The following CNGB1 variants were observed in gnomAD, a reference collection of about 807,000 sequenced individuals.
The protein encoded by CNGB1 is cyclic nucleotide gated channel subunit beta 1, also known as cyclic nucleotide-gated channel beta-1.
CNGB1 carries 126 observed loss-of-function variants against 151.7 expected under a neutral mutation model. The ratio of observed to expected loss-of-function variants is 0.83; its 90% CI spans 0.72 to 0.96. The LOEUF is 0.96. CNGB1 is among the 40% of genes least tolerant of loss of function. The probability of loss-of-function intolerance (pLI) is 0.00; values close to 1 mark genes in which losing one functional copy is unlikely to be tolerated. For missense variants in CNGB1, 1,698 were observed against 1,627.0 expected, an observed-to-expected ratio of 1.04 and a Z score of -0.75; for synonymous variants, 623 against 635.1, an observed-to-expected ratio of 0.98 and a Z score of 0.29.
chr16:57,965,875 A>G (rs1327501309), intron 2 of CNGB1, among the ~76,000 whole-genome samples: 1 of 152,232 alleles, frequency 6.6e-6, no homozygotes, highest in Non-Finnish European at 1.5e-5. Context: ...TGTCATGTAT[A>G]CCCATTGTGC....
At position 57,953,268 on chromosome 16, in the gene CNGB1, C is replaced by T. The variant is rs148147150; in HGVS notation, c.875-2728G>A. Reference sequence around the variant, plus strand: ...TCCCGGCACTTTGGGAGGCCGAGGTCGGCAGATCATGAGGTCAAGAGATCG... The same window carrying T: ...TCCCGGCACTTTGGGAGGCCGAGGTTGGCAGATCATGAGGTCAAGAGATCG... On this transcript the variant is annotated intron_variant, in intron 12 of 32. Coordinates refer to ENST00000251102, the MANE Select transcript of CNGB1 (RefSeq NM_001297.5). 4.9e-3 allele frequency among the ~76,000 whole-genome samples: 742 copies of T among 152,130 alleles called. 6 individuals carry two copies. Among genetic ancestry groups the T allele is most frequent in the African/African-American group, 0.017 (706 of 41,506 alleles).
intron 14 of CNGB1, among the ~76,000 whole-genome samples, chr16:57,941,059 C>G (rs1227469569): frequency 1.3e-5 from 2 of 152,088 alleles, no homozygotes; most frequent in Non-Finnish European, 2.9e-5. Flanking sequence ...CAAACAGAGC[C>G]TGAAATATAT....
rs2149381760 is a variant in CNGB1 at position 57,950,409 on chromosome 16, C to T, written c.1006G>A (p.Glu336Lys). ...GTEVVPAYEE[E>K]NKAVEKMPRE... ...GGCATCTTCTCCACAGCTTTGTTCT[C>T]TTCTTCATAAGCTGGAACCACCTCT... The change falls in exon 13 of 33, where the codon GAG (glutamate) becomes AAG (lysine). Residue 336 changes from glutamate (E) to lysine (K), a missense_variant. Transcript: ENST00000251102. The T allele has an allele frequency of 6.2e-7, 1 of 1,614,274 alleles. No individual in the cohort carries two copies. Among genetic ancestry groups the T allele is most frequent in the Middle Eastern group, 1.6e-4 (1 of 6,062 alleles).
intron 10 of CNGB1, 84 bp downstream of exon 10, chr16:57,959,804 G>T: frequency 1.4e-6 from 2 of 1,404,012 alleles, no homozygotes; most frequent in Non-Finnish European, 9.3e-7. Context: ...TTTTCTTCCA[G>T]GTTTCCAGGA....
At chr16:57,970,383 T>A (rs951518301) in intron 1 of CNGB1, among the ~76,000 whole-genome samples, 1 of 152,300 alleles carries the variant, frequency 6.6e-6, no homozygotes, top group Non-Finnish European at 1.5e-5. Context: ...GCCCAGCCCC[T>A]GCACTCAGTA....
chr16:57,920,209 C>A (rs905053286), intron 19 of CNGB1, among the ~76,000 whole-genome samples, 178 bp downstream of exon 19: 1 of 152,188 alleles, frequency 6.6e-6, no homozygotes, highest in African/African-American at 2.4e-5. Context: ...ATCTTCCCAC[C>A]CTTGGGTACA....
At position 57,903,852 on chromosome 16, in the gene CNGB1, C is replaced by G. The variant is rs373209562; in HGVS notation, c.2764G>C (p.Glu922Gln). Reference sequence around the variant, plus strand: ...ATGCCTTGCGAGTGCCAGGTGTACTCGTACCAGGTCTTGACGCGGTTCTGC... The same window carrying G: ...ATGCCTTGCGAGTGCCAGGTGTACTGGTACCAGGTCTTGACGCGGTTCTGC... ...SVQNRVKTWY[E>Q]YTWHSQGMLD... The change falls in exon 27 of 33, where the codon GAG becomes CAG. Residue 922 changes from glutamate to glutamine, a missense_variant. Physicochemically the swap from Glu to Gln is conservative, Grantham distance 29 (BLOSUM62 2). Coordinates refer to ENST00000251102, the MANE Select transcript of CNGB1 (RefSeq NM_001297.5). 1.1e-5 allele frequency: 18 copies of G among 1,614,052 alleles called. No individual in the cohort carries two copies. Among genetic ancestry groups the G allele is most frequent in the Non-Finnish European group, 1.4e-5 (16 of 1,180,034 alleles).
intron 20 of CNGB1, among the ~76,000 whole-genome samples, chr16:57,918,870 T>C (rs1294616272): frequency 6.6e-6 from 1 of 152,198 alleles, no homozygotes; most frequent in Non-Finnish European, 1.5e-5. Context: ...CAGCTAATTT[T>C]TGTATCTTTA....
chr16:57,929,476 G>GGGGAGAGA lies in CNGB1; in HGVS notation c.1535+2239_1535+2240insTCTCTCCC, dbSNP rs143260483. Among the ~76,000 whole-genome samples the GGGGAGAGA allele has an allele frequency of 2.7e-5, 4 of 145,858 alleles. No homozygotes were observed. The East Asian group carries it at 8.1e-4, about 30-fold the overall frequency. The stretch of plus-strand genomic sequence containing the variant: ...GAGGGAGAGAGGAAAAGAGAGAGAG[G>GGGGAGAGA]GAGAGAGAGAGAGACTTTTTCTTTT... On this transcript the variant is annotated intron_variant, in intron 17 of 32. Transcript: ENST00000251102.
chr16:57,959,907 G>A lies in CNGB1; in HGVS notation c.742C>T (p.Pro248Ser), dbSNP rs1384006782. Reference sequence around the variant, plus strand: ...GCTCACCTGGCAGGGTCCCTGGTTGGTGGCAGGGAGGAGGTCTGGGCCTGG... The same window carrying A: ...GCTCACCTGGCAGGGTCCCTGGTTGATGGCAGGGAGGAGGTCTGGGCCTGG... ...GSQAQTSSLP[P>S]TRDPARLVAW... Residue 248 changes from proline (P) to serine (S), a missense_variant, in exon 10 of 33, where the codon CCA becomes TCA. Pro to Ser is a moderately conservative substitution (Grantham distance 74). Transcript: ENST00000251102. 2 of 1,554,220 alleles carry A rather than the reference G, an allele frequency of 1.3e-6. No homozygotes were observed. The highest frequency in any genetic ancestry group is 3.8e-5 in the Admixed American group (2 of 52,574).
At chr16:57,953,436 A>G (rs1270423031) in intron 12 of CNGB1, among the ~76,000 whole-genome samples, 1 of 149,468 alleles carries the variant, frequency 6.7e-6, no homozygotes, top group African/African-American at 2.5e-5. Context: ...TAGAGGTTGC[A>G]GTGAGCCGAG....
chr16:57,888,618 A>G (rs571328214), intron 31 of CNGB1, among the ~76,000 whole-genome samples: 10 of 152,056 alleles, frequency 6.6e-5, no homozygotes, highest in African/African-American at 2.2e-4. Context: ...CACCACCACA[A>G]TTTTTTATCT....
At chr16:57,920,215 G>A (rs1960990387) in intron 19 of CNGB1, among the ~76,000 whole-genome samples, 172 bp downstream of exon 19, 1 of 152,166 alleles carries the variant, frequency 6.6e-6, no homozygotes, top group Admixed American at 6.5e-5. Flanking sequence ...CCACCCTTGG[G>A]TACATATCTC....
intron 2 of CNGB1, among the ~76,000 whole-genome samples, chr16:57,965,616 G>A (rs12929493): frequency 0.41 from 61,744 of 151,986 alleles, 14,826 homozygotes; most frequent in Non-Finnish European, 0.54. Context: ...GACACAAAAT[G>A]TGTATATATA....
Position 57,923,388 on chromosome 16 carries a change from G to A in CNGB1, c.1536-8C>T. 1 of 1,610,610 alleles carries A rather than the reference G, an allele frequency of 6.2e-7. No homozygotes were observed. Among genetic ancestry groups the A allele is most frequent in the Non-Finnish European group, 8.5e-7 (1 of 1,177,772 alleles). On this transcript the variant is annotated splice_polypyrimidine_tract_variant and splice_region_variant and intron_variant, in intron 17 of 32. Transcript: ENST00000251102. ...TCAGAGGGCAGCTTCTTCCTGCAAA[G>A]ACACAGATGTGGAAGGGGCCTTCAG...
chr16:57,947,033 C>T (rs1961827295), intron 14 of CNGB1, among the ~76,000 whole-genome samples: 1 of 152,164 alleles, frequency 6.6e-6, no homozygotes, highest in South Asian at 2.1e-4. Flanking sequence ...GAATGTGCTG[C>T]CTGTGCTTGT....
In CNGB1 at chr16:57,888,055, T is replaced by C; in HGVS notation, c.3262A>G (p.Asn1088Asp). 1 of 1,614,060 alleles carries C rather than the reference T, an allele frequency of 6.2e-7. No individual in the cohort carries two copies. ...KKARRMLRSN[N>D]KPKEEKSVLI... ...ACGCTCTTCTCCTCCTTGGGCTTAT[T>C]GTTGCTTCTCAGCATGCGCCTGGAA... Residue 1088 changes from asparagine (N) to aspartate (D), a missense_variant, in exon 32 of 33, where the codon AAT (asparagine) becomes GAT (aspartate). Physicochemically the swap from Asn to Asp is conservative, Grantham distance 23. Transcript: ENST00000251102.
chr16:57,941,731 G>A (rs570513483), intron 14 of CNGB1, among the ~76,000 whole-genome samples: 1 of 152,174 alleles, frequency 6.6e-6, no homozygotes, highest in African/African-American at 2.4e-5. Flanking sequence ...TGACAAGCCC[G>A]CAGCTGACAT....
At chr16:57,948,649 A>G (rs1276132498) in intron 14 of CNGB1, among the ~76,000 whole-genome samples, 1 of 151,828 alleles carries the variant, frequency 6.6e-6, no homozygotes, top group Non-Finnish European at 1.5e-5. Context: ...TGCCACCTAC[A>G]TGCCCAGAAT....
Sources: allele counts gnomAD v4.1 joint callset (sites outside exome capture counted in the v4.1 genomes callset), GRCh38; gene constraint gnomAD v4.1.1; transcripts MANE v1.5; gene names NCBI Gene and HGNC (gene_info 2026-07-23, HGNC 2026-07-21).